The following TMEM232 variants were observed in gnomAD, a reference collection of about 807,000 sequenced individuals.
TMEM232 encodes the protein transmembrane protein 232.
A neutral mutation model predicts 78.8 loss-of-function variants in TMEM232; 80 were observed. The ratio of observed to expected loss-of-function variants is 1.01; its 90% CI spans 0.85 to 1.22. The LOEUF is 1.22. TMEM232 is among the 50% of genes most tolerant of loss of function. The probability of loss-of-function intolerance (pLI) is 0.00; values close to 1 mark genes in which losing one functional copy is unlikely to be tolerated. For synonymous variants in TMEM232, 297 were observed against 254.3 expected (o/e 1.17, Z -1.60); for missense variants, 881 against 742.2 (o/e 1.19, Z -2.17).
intron 1 of TMEM232, among the ~76,000 whole-genome samples, chr5:110,699,684 G>A (rs1220882426): frequency 6.6e-6 from 1 of 152,036 alleles, no homozygotes; most frequent in East Asian, 1.9e-4. Context: ...AGTTTCCACT[G>A]TTTTGCCTTC....
At chr5:110,453,948 A>G (rs1034931263) in intron 12 of TMEM232, among the ~76,000 whole-genome samples, 7 of 152,222 alleles carry the variant, frequency 4.6e-5, no homozygotes, top group African/African-American at 1.7e-4. Flanking sequence ...AAATCAATTC[A>G]CTAAGAAAAG....
intron 12 of TMEM232, among the ~76,000 whole-genome samples, chr5:110,522,329 T>C (rs1769650868): frequency 6.6e-6 from 1 of 152,170 alleles, no homozygotes; most frequent in African/African-American, 2.4e-5. Context: ...GTGGAGTCTC[T>C]AGGGTTACAT....
intron 12 of TMEM232, among the ~76,000 whole-genome samples, chr5:110,447,054 A>G (rs1275328093): frequency 6.6e-6 from 1 of 151,842 alleles, no homozygotes; most frequent in East Asian, 1.9e-4. Flanking sequence ...CTGTGCTCCC[A>G]AAGTGAGACA....
At chr5:110,644,314 G>T (rs1367092131) in intron 2 of TMEM232, among the ~76,000 whole-genome samples, 2 of 151,722 alleles carry the variant, frequency 1.3e-5, no homozygotes, top group Non-Finnish European at 2.9e-5. Context: ...CTTCTCATTT[G>T]TATGAAGAGT....
At chr5:110,605,456 A>T in intron 9 of TMEM232, 98 bp from the exon 10 acceptor site, 1 of 1,336,424 alleles carries the variant, frequency 7.5e-7, no homozygotes. Flanking sequence ...ACCATAATAA[A>T]CTAATATATC....
At chr5:110,677,386 C>G (rs1792160432) in intron 1 of TMEM232, among the ~76,000 whole-genome samples, 1 of 152,062 alleles carries the variant, frequency 6.6e-6, no homozygotes, top group Non-Finnish European at 1.5e-5. Context: ...CCAGCTGAAT[C>G]TGCCTGGATT....
At chr5:110,496,167 G>T (rs1347483885) in intron 12 of TMEM232, among the ~76,000 whole-genome samples, 5 of 151,672 alleles carry the variant, frequency 3.3e-5, no homozygotes, top group Non-Finnish European at 5.9e-5. Context: ...TTATTTTGTA[G>T]GTTATTTCAA....
chr5:110,687,425 G>A (rs1281217072), intron 1 of TMEM232, among the ~76,000 whole-genome samples: 2 of 151,988 alleles, frequency 1.3e-5, no homozygotes. Context: ...CCTTTAGGTT[G>A]ATATTCTAGT....
At chr5:110,634,078 A>C (rs1785494336) in intron 5 of TMEM232, among the ~76,000 whole-genome samples, 3 of 152,144 alleles carry the variant, frequency 2.0e-5, no homozygotes, top group Admixed American at 6.6e-5. Flanking sequence ...ACTTTAAGTC[A>C]AAAAAGGTTT....
intron 12 of TMEM232, among the ~76,000 whole-genome samples, chr5:110,507,784 A>G (rs972167068): frequency 2.0e-5 from 3 of 152,214 alleles, no homozygotes; most frequent in African/African-American, 7.2e-5. Flanking sequence ...ACTTGTGAGG[A>G]TGAGTATGTC....
At chr5:110,712,776 T>C (rs1796624920) in intron 1 of TMEM232, among the ~76,000 whole-genome samples, 1 of 152,036 alleles carries the variant, frequency 6.6e-6, no homozygotes, top group African/African-American at 2.4e-5. Flanking sequence ...GGAGAGAATG[T>C]GGAGAAAAGG....
At chr5:110,684,805 CT>C (rs1313172773) in intron 1 of TMEM232, 2 of 152,038 alleles carry the variant, frequency 1.3e-5, no homozygotes, top group East Asian at 1.9e-4. Context: ...TATGTCCCCC[CT>C]ATTCACAATA....
At chr5:110,457,552 T>C (rs533554271) in intron 12 of TMEM232, among the ~76,000 whole-genome samples, 26 of 152,240 alleles carry the variant, frequency 1.7e-4, no homozygotes, top group African/African-American at 5.8e-4. Context: ...TTTACATAAA[T>C]GTTTATAGTG....
rs201189138 is a variant in TMEM232, at chr5:110,490,121, A to AAAAGAAAGAAAGAAAGAAAGAAAGAAAG, written c.1703+38439_1703+38466dup. On this transcript the variant is annotated intron_variant, in intron 12 of 13. Coordinates refer to ENST00000455884, the MANE Select transcript of TMEM232 (RefSeq NM_001039763.4). ...CCTGACTGAGTGAAACTCCGTTTCA[A>AAAAGAAAGAAAGAAAGAAAGAAAGAAAG]AAAGAAAGAAAGAAAGAAAGAAAGA... is the stretch of plus-strand genomic sequence containing the variant. Among the ~76,000 whole-genome samples, 19 of 110,542 alleles carry AAAAGAAAGAAAGAAAGAAAGAAAGAAAG rather than the reference A, an allele frequency of 1.7e-4. No homozygotes were observed. In the East Asian group the frequency reaches 1.9e-3, roughly 11 times the overall value. The allele number at this position is 110,542 out of a possible 152,430, so 72.5% of individuals were successfully genotyped here.
intron 11 of TMEM232, among the ~76,000 whole-genome samples, chr5:110,555,934 C>T (rs1775023126): frequency 6.6e-6 from 1 of 152,076 alleles, no homozygotes; most frequent in South Asian, 2.1e-4. Context: ...TCTTCTTTAT[C>T]CAACCTGCCA....
chr5:110,726,043 T>C (rs956996700), intron 1 of TMEM232, among the ~76,000 whole-genome samples: 7 of 151,960 alleles, frequency 4.6e-5, no homozygotes, highest in African/African-American at 1.5e-4. Flanking sequence ...TGGATATTTT[T>C]CTCAAGATTA....
At chr5:110,621,309 A>G (rs1383685200) in intron 7 of TMEM232, among the ~76,000 whole-genome samples, 2 of 152,180 alleles carry the variant, frequency 1.3e-5, no homozygotes, top group Non-Finnish European at 2.9e-5. Flanking sequence ...AGAGTGAGCA[A>G]TGTTGCTTAC....
rs34606644 is a variant in TMEM232 at position 110,675,013 on chromosome 5, CTATTTATT to C, written c.-12-7657_-12-7650del. On this transcript the variant is annotated intron_variant, in intron 1 of 13. Transcript: ENST00000455884. ...AGAAAAGCTTGCATTTGTTATTATTCTATTTATTTATTTATTTATTTATTTATTTATTT... is the reference window on the plus strand; with the variant it reads ...AGAAAAGCTTGCATTTGTTATTATTCTATTTATTTATTTATTTATTTATTT... Among the ~76,000 whole-genome samples the C allele has an allele frequency of 4.7e-3, 700 of 149,790 alleles. 7 individuals are homozygous for C. Among genetic ancestry groups the C allele is most frequent in the African/African-American group, 0.017 (669 of 40,390 alleles).
intron 2 of TMEM232, among the ~76,000 whole-genome samples, chr5:110,649,521 T>C (rs1437646675): frequency 6.6e-6 from 1 of 152,124 alleles, no homozygotes; most frequent in African/African-American, 2.4e-5. Context: ...AAAAAATATC[T>C]TCCAAAAATA....
Sources: gnomAD v4.1 joint callset for allele counts (sites outside exome capture counted in the v4.1 genomes callset) on GRCh38, gnomAD v4.1.1 for gene constraint, MANE v1.5 for transcripts, NCBI Gene and HGNC (gene_info 2026-07-23, HGNC 2026-07-21) for gene names.